Variants in FAAH2 observed in about 807,000 individuals in gnomAD.
The protein encoded by FAAH2 is fatty acid amide hydrolase 2, also known as fatty-acid amide hydrolase 2.
A neutral mutation model predicts 36.9 loss-of-function variants in FAAH2; 60 were observed. The observed-to-expected ratio is 1.63, with a 90% CI of 1.32 to 2.02. FAAH2 has a LOEUF of 2.02. FAAH2 is among the 30% of genes most tolerant of loss of function. FAAH2 has a pLI of 0.00. For missense variants in FAAH2, 689 were observed against 397.5 expected, an observed-to-expected ratio of 1.73 and a Z score of -6.23; for synonymous variants, 214 against 143.8, an observed-to-expected ratio of 1.49 and a Z score of -3.49.
intron 7 of FAAH2, among the ~76,000 whole-genome samples, chrX:57,404,039 T>C (rs2055504763): frequency 8.9e-6 from 1 of 112,634 alleles, no homozygotes; most frequent in African/African-American, 3.2e-5. Context: ...TCTACTTTCT[T>C]CTGTTAGCAA....
chrX:57,438,810 T>A (rs1169449350), intron 8 of FAAH2, among the ~76,000 whole-genome samples: 4 of 99,045 alleles, frequency 4.0e-5, no homozygotes, highest in Admixed American at 2.3e-4. Context: ...GTCCATGTGT[T>A]CTCATTGTTC....
At chrX:57,193,782 A>G in the FAAH2 span, among the ~76,000 whole-genome samples, 1 of 112,191 alleles carries the variant, frequency 8.9e-6, no homozygotes, top group Non-Finnish European at 1.9e-5. Flanking sequence ...CAATTGAAAC[A>G]GACATAGTTT....
At chrX:57,395,237 C>A in intron 7 of FAAH2, 1 of 613,140 alleles carries the variant, frequency 1.6e-6, no homozygotes, top group Admixed American at 2.3e-5. Context: ...TCTTCAGCAG[C>A]CTTCAGCTTC....
the FAAH2 span, among the ~76,000 whole-genome samples, chrX:57,123,534 G>A: frequency 7.1e-5 from 8 of 112,039 alleles, no homozygotes; most frequent in Non-Finnish European, 1.1e-4. Context: ...GGGATGGCTC[G>A]GTCAAATGGT....
intron 7 of FAAH2, chrX:57,394,740 T>A: frequency 1.1e-6 from 1 of 875,224 alleles, no homozygotes; most frequent in Non-Finnish European, 1.7e-6. Context: ...CTAGGTTTGA[T>A]CCATTCCCCT....
chrX:57,313,160 T>A (rs1190027966), intron 3 of FAAH2, among the ~76,000 whole-genome samples: 4 of 3,632 alleles, frequency 1.1e-3, no homozygotes, highest in Non-Finnish European at 0.091. Context: ...TTGAATACCG[T>A]TTTTTTCAAA....
At chrX:57,478,366 T>A (rs2057311594) in intron 10 of FAAH2, among the ~76,000 whole-genome samples, 1 of 111,440 alleles carries the variant, frequency 9.0e-6, no homozygotes, top group Non-Finnish European at 1.9e-5. Context: ...TTTGTTTGAG[T>A]TCATTGTAGA....
At chrX:57,155,301 G>A in the FAAH2 span, among the ~76,000 whole-genome samples, 1 of 111,643 alleles carries the variant, frequency 9.0e-6, no homozygotes, top group Non-Finnish European at 1.9e-5. Flanking sequence ...AGGGTTAGGT[G>A]TGTCTGAGGT....
the FAAH2 span, among the ~76,000 whole-genome samples, chrX:57,220,973 C>T: frequency 8.9e-6 from 1 of 112,087 alleles, no homozygotes; most frequent in Non-Finnish European, 1.9e-5. Context: ...AAGGGTAACC[C>T]TGATGGTGGC....
intron 2 of FAAH2, among the ~76,000 whole-genome samples, chrX:57,306,372 C>A (rs756575561): frequency 1.5e-3 from 166 of 111,207 alleles, no homozygotes; most frequent in Non-Finnish European, 2.4e-3. Flanking sequence ...GACAATTATT[C>A]TTTTCATTGC....
At chrX:57,203,596 A>C in the FAAH2 span, among the ~76,000 whole-genome samples, 1 of 112,142 alleles carries the variant, frequency 8.9e-6, no homozygotes, top group Non-Finnish European at 1.9e-5. Context: ...TTCTCGCAGG[A>C]GTCGGGATCC....
At chrX:57,362,615 T>G (rs1189647545) in intron 5 of FAAH2, among the ~76,000 whole-genome samples, 2 of 111,856 alleles carry the variant, frequency 1.8e-5, no homozygotes, top group African/African-American at 6.5e-5. Context: ...TATGTCCTAC[T>G]TGTCAAATTT....
At chrX:57,351,368 G>A (rs921539480) in intron 5 of FAAH2, among the ~76,000 whole-genome samples, 1 of 110,931 alleles carries the variant, frequency 9.0e-6, no homozygotes, top group Non-Finnish European at 1.9e-5. Context: ...GGTAATAAAG[G>A]CTTACGTCCA....
the FAAH2 span, among the ~76,000 whole-genome samples, chrX:57,226,681 T>G: frequency 1.8e-5 from 2 of 112,147 alleles, no homozygotes; most frequent in Non-Finnish European, 3.8e-5. Context: ...GCTTCTTGTA[T>G]TTGCATGTCT....
intron 5 of FAAH2, among the ~76,000 whole-genome samples, chrX:57,345,732 T>C (rs974671993): frequency 2.7e-5 from 3 of 111,541 alleles, no homozygotes; most frequent in Non-Finnish European, 3.8e-5. Flanking sequence ...TGATTTTAGA[T>C]CTTTCTAACT....
intron 5 of FAAH2, among the ~76,000 whole-genome samples, chrX:57,347,992 C>A (rs189178189): frequency 2.7e-3 from 300 of 110,765 alleles, no homozygotes; most frequent in African/African-American, 9.3e-3. Context: ...AGAGAAATGA[C>A]CTCATTGGGT....
chrX:57,184,257 C>T, the FAAH2 span, among the ~76,000 whole-genome samples: 41 of 111,559 alleles, frequency 3.7e-4, no homozygotes, highest in Admixed American at 9.5e-4. Context: ...TTGTTAGACC[C>T]TTATTAGTAG....
At chrX:57,324,554 A>G (rs752285484) in intron 3 of FAAH2, among the ~76,000 whole-genome samples, 1 of 111,809 alleles carries the variant, frequency 8.9e-6, no homozygotes, top group East Asian at 2.8e-4. Context: ...GAGGTCCTTC[A>G]CATTCCTTGT....
the FAAH2 span, among the ~76,000 whole-genome samples, chrX:57,225,739 T>C: frequency 2.7e-5 from 3 of 110,504 alleles, no homozygotes; most frequent in East Asian, 8.4e-4. Flanking sequence ...CAGTGGAGTA[T>C]TGAAGTCCCC....
Sources: gnomAD v4.1 joint callset for allele counts (sites outside exome capture counted in the v4.1 genomes callset) on GRCh38, gnomAD v4.1.1 for gene constraint, MANE v1.5 for transcripts, NCBI Gene and HGNC (gene_info 2026-07-23, HGNC 2026-07-21) for gene names.